Variants in HEATR4 observed in about 807,000 individuals in gnomAD.
HEATR4 encodes the protein HEAT repeat-containing protein 4.
HEATR4 carries 95 observed loss-of-function variants against 108.8 expected under a neutral mutation model. The observed-to-expected ratio is 0.87, with a 90% CI of 0.74 to 1.04. The LOEUF (loss-of-function observed/expected upper bound fraction) is 1.04, where lower values mean the gene tolerates loss of function less well. HEATR4 is among the 50% of genes least tolerant of loss of function. The probability of loss-of-function intolerance (pLI) is 0.00; values close to 1 mark genes in which losing one functional copy is unlikely to be tolerated. For missense variants in HEATR4, 1,152 were observed against 1,253.8 expected (o/e 0.92, Z 1.23); for synonymous variants, 443 against 459.4 (o/e 0.96, Z 0.46).
At chr14:73,612,807 G>A in the HEATR4 span, 1 of 1,417,212 alleles carries the variant, frequency 7.1e-7, no homozygotes, top group Non-Finnish European at 9.3e-7. Flanking sequence ...CAGCCCATGG[G>A]GCTGCTGTGG....
chr14:73,560,531 C>T (rs142243256), upstream of HEATR4, among the ~76,000 whole-genome samples: 72 of 151,844 alleles, frequency 4.7e-4, 1 homozygote, highest in East Asian at 0.011. Context: ...GGCGTGGTGG[C>T]AGGCGCCTGT....
the HEATR4 span, among the ~76,000 whole-genome samples, chr14:73,578,286 G>A: frequency 6.8e-6 from 1 of 146,680 alleles, no homozygotes; most frequent in East Asian, 2.0e-4. Context: ...TGCAGTGGCA[G>A]TAACATGATC....
chr14:73,603,708 A>G, the HEATR4 span, among the ~76,000 whole-genome samples: 3 of 151,026 alleles, frequency 2.0e-5, no homozygotes, highest in Middle Eastern at 3.2e-3. Flanking sequence ...CTTTCAAAAC[A>G]TTTGATCGAA....
At chr14:73,491,637 A>G in intron 17 of HEATR4, 2 of 1,549,758 alleles carry the variant, frequency 1.3e-6, no homozygotes, top group Non-Finnish European at 1.7e-6. Flanking sequence ...CGCCTCTTTG[A>G]GTGGCTCATC....
chr14:73,627,819 ATT>A, the HEATR4 span, among the ~76,000 whole-genome samples: 28 of 147,922 alleles, frequency 1.9e-4, no homozygotes, highest in East Asian at 5.9e-4. Context: ...AGTCCCAACA[ATT>A]TTTTTTTTTT....
In HEATR4 at chr14:73,542,028, GTAT is replaced by G. The variant is rs1297686120; in HGVS notation, c.-151-11787_-151-11785del. ...CTGCCAACATGCCTGGATAATTTTT[GTAT>G]TTTCAGTAGAGACGGGGTTTCACAA... is the stretch of plus-strand genomic sequence containing the variant. On this transcript the variant is annotated intron_variant, in intron 1 of 17. Coordinates refer to ENST00000553558, the MANE Select transcript of HEATR4 (RefSeq NM_001220484.1). Among the ~76,000 whole-genome samples, 8 of 112,368 alleles carry G rather than the reference GTAT, an allele frequency of 7.1e-5. 3 individuals are homozygous for G. Among genetic ancestry groups the G allele is most frequent in the Non-Finnish European group, 1.5e-4 (8 of 52,346 alleles). 73.7% of individuals were successfully genotyped at this position (112,368 alleles called of 152,430 possible). A position where few individuals can be genotyped will look rare whatever the true frequency, so the allele number is the denominator to read the frequency against.
intron 17 of HEATR4, among the ~76,000 whole-genome samples, chr14:73,483,658 A>G (rs759287849): frequency 1.3e-5 from 2 of 152,142 alleles, no homozygotes; most frequent in Non-Finnish European, 2.9e-5. Context: ...TTAAGATGTA[A>G]TTTTAATTTT....
the HEATR4 span, chr14:73,569,839 C>G: frequency 1.1e-5 from 18 of 1,604,374 alleles, no homozygotes; most frequent in Admixed American, 5.1e-5. Flanking sequence ...CGGCGCGAGC[C>G]GGTGCGCGTG....
the HEATR4 span, chr14:73,610,885 C>T: frequency 6.6e-5 from 10 of 152,152 alleles, no homozygotes; most frequent in Non-Finnish European, 1.0e-4. Context: ...ATGCTTTAAC[C>T]CAGCAGTCAC....
the HEATR4 span, among the ~76,000 whole-genome samples, chr14:73,615,506 G>A: frequency 1.3e-5 from 2 of 151,576 alleles, no homozygotes; most frequent in Non-Finnish European, 2.9e-5. Flanking sequence ...CAAGGTGGGC[G>A]GATCATCTGA....
At chr14:73,573,630 G>A in the HEATR4 span, 5 of 1,610,364 alleles carry the variant, frequency 3.1e-6, no homozygotes, top group Non-Finnish European at 3.4e-6. Flanking sequence ...TGATGTATCA[G>A]GTCTCTTCTT....
chr14:73,607,676 T>C, the HEATR4 span, among the ~76,000 whole-genome samples: 3 of 151,972 alleles, frequency 2.0e-5, no homozygotes, highest in Non-Finnish European at 4.4e-5. Context: ...CAGGCTGGAG[T>C]GCAATGGAGC....
the HEATR4 span, chr14:73,567,635 C>T: frequency 4.6e-5 from 7 of 152,062 alleles, no homozygotes; most frequent in African/African-American, 1.7e-4. Context: ...GCGTGAGTTC[C>T]GCTCCAGGCT....
chr14:73,599,519 C>G, the HEATR4 span, among the ~76,000 whole-genome samples: 1 of 151,970 alleles, frequency 6.6e-6, no homozygotes, highest in African/African-American at 2.4e-5. Flanking sequence ...GCAAGAAGGC[C>G]CAGATGGAGA....
At chr14:73,567,801 C>T in the HEATR4 span, 1 of 152,098 alleles carries the variant, frequency 6.6e-6, no homozygotes, top group South Asian at 2.1e-4. Context: ...AGAAAAACAA[C>T]TCTGGACCTG....
chr14:73,554,818 AC>A (rs1176222347), intron 1 of HEATR4, among the ~76,000 whole-genome samples: 1 of 113,796 alleles, frequency 8.8e-6, no homozygotes, highest in Non-Finnish European at 1.9e-5. Flanking sequence ...TTTTCAGAAA[AC>A]CCTTATCAAC....
chr14:73,633,006 TC>T, the HEATR4 span, among the ~76,000 whole-genome samples: 45 of 62,410 alleles, frequency 7.2e-4, no homozygotes, highest in African/African-American at 1.4e-3. Flanking sequence ...TCTCTCTCTC[TC>T]TTTTTTTTTT....
At chr14:73,632,843 CAA>C in the HEATR4 span, among the ~76,000 whole-genome samples, 6 of 109,212 alleles carry the variant, frequency 5.5e-5, no homozygotes, top group Non-Finnish European at 7.2e-5. Flanking sequence ...GACCCTGTCT[CAA>C]AAAAAAAAAA....
At position 73,522,993 on chromosome 14, in the gene HEATR4, G is replaced by A. The variant is rs202055080; in HGVS notation, c.160C>T (p.Gln54Ter). 4.3e-6 allele frequency: 7 copies of A among 1,614,026 alleles called. No individual in the cohort carries two copies. Among genetic ancestry groups the A allele is most frequent in the African/African-American group, 1.3e-5 (1 of 74,898 alleles). Residue 54 changes from glutamine to a stop codon, truncating the protein, a stop_gained, in exon 3 of 18, where the codon CAG (glutamine) becomes TAG (stop). Coordinates refer to ENST00000553558, the MANE Select transcript of HEATR4 (RefSeq NM_001220484.1). LOFTEE classifies it high-confidence loss of function. ...TGGCTCTTGCGGTGTAGACGGTACT[G>A]TGAGCTGAAGAAGACCATAGGCACA... is the stretch of plus-strand genomic sequence containing the variant. ...SSVPMVFFSSQYRLHRKSQYL... is the reference protein window; with the variant it reads ...SSVPMVFFSS
Sources: gnomAD v4.1 joint callset for allele counts (sites outside exome capture counted in the v4.1 genomes callset) on GRCh38, gnomAD v4.1.1 for gene constraint, MANE v1.5 for transcripts, NCBI Gene and HGNC (gene_info 2026-07-23, HGNC 2026-07-21) for gene names.